CDH18: variants seen among roughly 807,000 people sequenced by gnomAD.
The protein encoded by CDH18 is cadherin 18.
A neutral mutation model predicts 67.9 loss-of-function variants in CDH18; 31 were observed. That is an observed-to-expected ratio of 0.46 (90% confidence interval 0.34 to 0.62). The LOEUF (loss-of-function observed/expected upper bound fraction) is 0.62. CDH18 is among the 20% of genes least tolerant of loss of function. The pLI is 0.01. For synonymous variants in CDH18, 362 were observed against 347.2 expected, an observed-to-expected ratio of 1.04 and a Z score of -0.48; for missense variants, 890 against 975.5, an observed-to-expected ratio of 0.91 and a Z score of 1.17.
intron 6 of CDH18, among the ~76,000 whole-genome samples, chr5:19,594,387 G>A (rs1204782266): frequency 6.6e-6 from 1 of 151,966 alleles, no homozygotes; most frequent in African/African-American, 2.4e-5. Context: ...TCCTGACCTC[G>A]TGATCCACCT....
intron 1 of CDH18, among the ~76,000 whole-genome samples, chr5:20,261,769 G>A (rs1289591869): frequency 6.6e-6 from 1 of 152,068 alleles, no homozygotes; most frequent in Non-Finnish European, 1.5e-5. Flanking sequence ...TATATTCTGT[G>A]TGGTGTGGTT....
Position 20,242,634 on chromosome 5 carries a change from G to GTATATATA in CDH18, c.-518+12802_-518+12809dup, listed in dbSNP as rs143436887. Among the ~76,000 whole-genome samples, 7 of 85,808 alleles carry GTATATATA rather than the reference G, an allele frequency of 8.2e-5. No individual in the cohort carries two copies. In the South Asian group the frequency reaches 2.1e-3, roughly 26 times the overall value. The allele number at this position is 85,808 out of a possible 152,430, so 56.3% of individuals were successfully genotyped here. A position where few individuals can be genotyped will look rare whatever the true frequency, so the allele number is the denominator to read the frequency against. The stretch of plus-strand genomic sequence containing the variant: ...AAAATATATATATATATATATATAT[G>GTATATATA]TATATATATATATATATGTAAATGG... On this transcript the variant is annotated intron_variant, in intron 2 of 14. Coordinates refer to the CDH18 transcript ENST00000507958.
chr5:19,537,229 G>T (rs1315218128), intron 9 of CDH18, among the ~76,000 whole-genome samples: 3 of 152,096 alleles, frequency 2.0e-5, no homozygotes, highest in Non-Finnish European at 4.4e-5. Context: ...CTGCTTCACA[G>T]TTTTGCATGA....
intron 1 of CDH18, among the ~76,000 whole-genome samples, chr5:20,397,334 G>A (rs925519612): frequency 6.6e-6 from 1 of 151,990 alleles, no homozygotes; most frequent in South Asian, 2.1e-4. Context: ...GTTTTGCCAC[G>A]CTGGCCGGGC....
intron 3 of CDH18, among the ~76,000 whole-genome samples, chr5:19,798,289 G>C (rs1301433246): frequency 6.6e-6 from 1 of 151,984 alleles, no homozygotes; most frequent in African/African-American, 2.4e-5. Context: ...AAATCTAGTT[G>C]TGAAAAATAT....
At position 20,152,093 on chromosome 5, in the gene CDH18, ATTATT is replaced by A. The variant is rs1751158889; in HGVS notation, c.-518+103346_-518+103350del. 3.4e-5 allele frequency among the ~76,000 whole-genome samples: 5 copies of A among 146,806 alleles called. No homozygotes were observed. The South Asian group carries it at 1.0e-3, about 31-fold the overall frequency. On this transcript the variant is annotated intron_variant, in intron 2 of 14. Coordinates refer to the CDH18 transcript ENST00000507958. ...GAGCAATTATATATATGAAATATAA[ATTATT>A]TTATATTTTATAATTATATATAATT... is the stretch of plus-strand genomic sequence containing the variant.
chr5:19,763,307 G>A (rs1226618736), intron 3 of CDH18, among the ~76,000 whole-genome samples: 1 of 152,112 alleles, frequency 6.6e-6, no homozygotes, highest in Admixed American at 6.6e-5. Context: ...GGACCAGGGT[G>A]GTATTTGTGA....
intron 2 of CDH18, among the ~76,000 whole-genome samples, chr5:20,167,106 C>T (rs1736353455): frequency 6.6e-6 from 1 of 151,936 alleles, no homozygotes; most frequent in Admixed American, 6.6e-5. Context: ...TTAACAATCT[C>T]CATTGGCAAT....
intron 2 of CDH18, among the ~76,000 whole-genome samples, chr5:20,203,784 C>A (rs1020827986): frequency 6.6e-6 from 1 of 152,016 alleles, no homozygotes; most frequent in Admixed American, 6.6e-5. Flanking sequence ...AAACCAAGTA[C>A]TGACCCTAAT....
chr5:19,833,615 A>T (rs942196505), intron 3 of CDH18, among the ~76,000 whole-genome samples: 1 of 152,060 alleles, frequency 6.6e-6, no homozygotes, highest in Non-Finnish European at 1.5e-5. Context: ...CAAAGGAAAT[A>T]CTTCCAGCTT....
intron 1 of CDH18, among the ~76,000 whole-genome samples, chr5:20,444,508 G>A (rs1039809085): frequency 2.6e-5 from 4 of 152,176 alleles, no homozygotes; most frequent in Non-Finnish European, 5.9e-5. Flanking sequence ...CTGCACTCCA[G>A]CCTGGGCAAC....
intron 2 of CDH18, among the ~76,000 whole-genome samples, chr5:20,028,524 C>T (rs1434633602): frequency 6.6e-6 from 1 of 152,100 alleles, no homozygotes; most frequent in Admixed American, 6.6e-5. Flanking sequence ...TATAAAGGTT[C>T]AGGCAAGAAA....
intron 1 of CDH18, among the ~76,000 whole-genome samples, chr5:20,287,198 C>T (rs541608318): frequency 6.6e-6 from 1 of 151,762 alleles, no homozygotes; most frequent in Non-Finnish European, 1.5e-5. Flanking sequence ...GAATATTTCA[C>T]TAACCATTAC....
intron 2 of CDH18, among the ~76,000 whole-genome samples, chr5:20,138,117 T>C (rs1352331753): frequency 6.6e-6 from 1 of 152,066 alleles, no homozygotes; most frequent in African/African-American, 2.4e-5. Context: ...TTATCCACCA[T>C]GATCTAGTTG....
At chr5:20,440,826 C>T (rs1000345139) in intron 1 of CDH18, among the ~76,000 whole-genome samples, 1 of 151,848 alleles carries the variant, frequency 6.6e-6, no homozygotes, top group Non-Finnish European at 1.5e-5. Flanking sequence ...GTCTTGCAGA[C>T]AAAACAATGT....
chr5:19,748,683 T>A (rs945087800), intron 3 of CDH18, among the ~76,000 whole-genome samples: 7 of 152,148 alleles, frequency 4.6e-5, no homozygotes, highest in African/African-American at 1.2e-4. Context: ...TTTCTTGCCA[T>A]AGTAACATGA....
chr5:19,845,438 T>C (rs1581615998), intron 2 of CDH18, among the ~76,000 whole-genome samples: 1 of 152,282 alleles, frequency 6.6e-6, no homozygotes, highest in East Asian at 1.9e-4. Flanking sequence ...ACACGTGATC[T>C]ATCCTGGAAA....
intron 2 of CDH18, among the ~76,000 whole-genome samples, chr5:20,159,239 TA>T (rs1017748067): frequency 6.6e-6 from 1 of 152,178 alleles, no homozygotes; most frequent in Non-Finnish European, 1.5e-5. Context: ...CACTAATGTC[TA>T]AAAAGAAATG....
chr5:20,573,894 A>AAT (rs1228423094), intron 1 of CDH18, among the ~76,000 whole-genome samples: 1 of 123,570 alleles, frequency 8.1e-6, no homozygotes, highest in Non-Finnish European at 1.6e-5. Flanking sequence ...ATATAAAAGA[A>AAT]ATATATATAT....
Sources: allele counts gnomAD v4.1 joint callset (sites outside exome capture counted in the v4.1 genomes callset), GRCh38; gene constraint gnomAD v4.1.1; transcripts MANE v1.5; gene names NCBI Gene and HGNC (gene_info 2026-07-23, HGNC 2026-07-21).